GCNT1: variants seen among roughly 807,000 people sequenced by gnomAD.
GCNT1 encodes glucosaminyl (N-acetyl) transferase 1.
Under a neutral mutation model 26.2 loss-of-function variants are expected in GCNT1, and 16 were observed. The ratio of observed to expected loss-of-function variants is 0.61; its 90% CI spans 0.41 to 0.93. The LOEUF (loss-of-function observed/expected upper bound fraction) is 0.93, where lower values mean the gene tolerates loss of function less well. GCNT1 is among the 40% of genes least tolerant of loss of function. The probability of loss-of-function intolerance (pLI) is 0.00; values close to 1 mark genes in which losing one functional copy is unlikely to be tolerated. For missense variants in GCNT1, 477 were observed against 526.7 expected (o/e 0.91, Z 0.92); for synonymous variants, 183 against 190.8 (o/e 0.96, Z 0.34).
chr9:76,443,408 C>G (rs995460790), intron 1 of GCNT1, among the ~76,000 whole-genome samples: 24 of 152,160 alleles, frequency 1.6e-4, no homozygotes, highest in African/African-American at 5.6e-4. Context: ...AAAAGTATCC[C>G]TTATGGGAAA....
intron 1 of GCNT1, among the ~76,000 whole-genome samples, chr9:76,444,963 G>A (rs941559691): frequency 3.3e-5 from 5 of 152,200 alleles, no homozygotes; most frequent in Admixed American, 1.3e-4. Context: ...TCACACTAGA[G>A]GGACACAGGT....
rs1025739729 is a variant in GCNT1 at position 76,489,834 on chromosome 9, G to T, written c.-289-11082G>T. ...CCTGCTGGATAAGAGCTAAGAAGAG[G>T]CCCTGCAGTTGTAGTGTCCTCCAGA... On this transcript the variant is annotated intron_variant, in intron 2 of 3. Coordinates refer to ENST00000376730, the MANE Select transcript of GCNT1 (RefSeq NM_001490.5). Among the ~76,000 whole-genome samples the T allele has an allele frequency of 7.9e-5, 12 of 152,046 alleles. 1 individual carries two copies. The highest frequency in any genetic ancestry group is 1.3e-4 in the Admixed American group (2 of 15,262).
chr9:76,409,747 A>G, the GCNT1 span, among the ~76,000 whole-genome samples: 1 of 151,930 alleles, frequency 6.6e-6, no homozygotes, highest in Non-Finnish European at 1.5e-5. Context: ...CATCTGGCTG[A>G]TTTTTATTGA....
intron 2 of GCNT1, among the ~76,000 whole-genome samples, chr9:76,463,784 A>G (rs1379854521): frequency 2.0e-5 from 3 of 152,154 alleles, no homozygotes; most frequent in Non-Finnish European, 1.5e-5. Flanking sequence ...GGCTATCACA[A>G]TCTTAAGTGG....
intron 1 of GCNT1, among the ~76,000 whole-genome samples, chr9:76,421,417 T>C (rs1000715623): frequency 6.6e-6 from 1 of 151,640 alleles, no homozygotes; most frequent in Admixed American, 6.6e-5. Context: ...CTGGCCAACA[T>C]TGTAAAACCC....
intron 2 of GCNT1, among the ~76,000 whole-genome samples, chr9:76,461,442 G>A (rs1040611944): frequency 1.3e-5 from 2 of 151,450 alleles, no homozygotes. Context: ...AATTAGCTGG[G>A]CGTGGTGGCT....
chr9:76,475,542 ATTTTTT>A (rs778699097), intron 2 of GCNT1, among the ~76,000 whole-genome samples: 23 of 152,078 alleles, frequency 1.5e-4, no homozygotes, highest in Non-Finnish European at 2.5e-4. Flanking sequence ...TTTTATTTTT[ATTTTTT>A]GAGTTCATGC....
chr9:76,457,137 G>A (rs1485007432), upstream of GCNT1, among the ~76,000 whole-genome samples: 1 of 152,202 alleles, frequency 6.6e-6, no homozygotes, highest in Non-Finnish European at 1.5e-5. Flanking sequence ...ATGCTGCCCA[G>A]GCTGATCTCA....
At chr9:76,443,939 AAGGAAGGAAGGAAGGAAGGAAGG>A (rs1823526925) in intron 1 of GCNT1, among the ~76,000 whole-genome samples, 1 of 62,740 alleles carries the variant, frequency 1.6e-5, no homozygotes, top group African/African-American at 5.8e-5. Flanking sequence ...GAAAGGAAGG[AAGGAAGGAAGGAAGGAAGGAAGG>A]AAGGAAGGAA....
the GCNT1 span, among the ~76,000 whole-genome samples, chr9:76,404,783 C>G: frequency 3.3e-5 from 5 of 152,078 alleles, no homozygotes; most frequent in African/African-American, 1.2e-4. Context: ...CCCAAGCAAC[C>G]CAGAAAATAA....
chr9:76,402,084 A>G, the GCNT1 span, among the ~76,000 whole-genome samples: 1 of 152,046 alleles, frequency 6.6e-6, no homozygotes. Context: ...AGTTGTCTTC[A>G]GTGGTTAACT....
At chr9:76,410,879 AC>A in the GCNT1 span, among the ~76,000 whole-genome samples, 1 of 152,220 alleles carries the variant, frequency 6.6e-6, no homozygotes, top group African/African-American at 2.4e-5. Flanking sequence ...GTTGTTAGGC[AC>A]ATATACACTA....
At chr9:76,481,590 G>T (rs1419248411) in intron 2 of GCNT1, among the ~76,000 whole-genome samples, 1 of 151,876 alleles carries the variant, frequency 6.6e-6, no homozygotes, top group Non-Finnish European at 1.5e-5. Context: ...ATCTTTATAG[G>T]TCTTAATTTT....
intron 1 of GCNT1, among the ~76,000 whole-genome samples, chr9:76,435,608 T>C (rs930903537): frequency 3.9e-5 from 6 of 152,254 alleles, no homozygotes; most frequent in Non-Finnish European, 7.3e-5. Flanking sequence ...TCCTCTTGTG[T>C]GTACCCACAA....
At chr9:76,484,503 G>A (rs1234256142) in intron 2 of GCNT1, among the ~76,000 whole-genome samples, 3 of 152,014 alleles carry the variant, frequency 2.0e-5, no homozygotes, top group African/African-American at 7.2e-5. Flanking sequence ...GAATAACAGT[G>A]TTTTTGTATT....
chr9:76,464,148 G>T (rs1365069528), intron 2 of GCNT1, among the ~76,000 whole-genome samples: 1 of 151,568 alleles, frequency 6.6e-6, no homozygotes, highest in African/African-American at 2.4e-5. Flanking sequence ...TTGAGATCAA[G>T]AGTAAAATAT....
At chr9:76,394,212 G>T in the GCNT1 span, 2 of 1,547,892 alleles carry the variant, frequency 1.3e-6, no homozygotes, top group Non-Finnish European at 1.7e-6. Flanking sequence ...CCCGGTCTGC[G>T]CGTCCTGCGG....
chr9:76,439,044 C>G (rs1823445115), upstream of GCNT1, among the ~76,000 whole-genome samples: 1 of 152,052 alleles, frequency 6.6e-6, no homozygotes, highest in Non-Finnish European at 1.5e-5. Context: ...AAAGAACAGA[C>G]CATGATAAAA....
In GCNT1 at chr9:76,492,886, T is replaced by C. The variant is rs369218016; in HGVS notation, c.-289-8030T>C. Among the ~76,000 whole-genome samples, 18 of 152,182 alleles carry C rather than the reference T, an allele frequency of 1.2e-4. No homozygotes were observed. The Middle Eastern group carries it at 0.01, about 86-fold the overall frequency. ...TTAGGCCTGTTCCTCTTGGTCCCTA[T>C]TATAGAATACCGAGGTTGCGAGGTT... On this transcript the variant is annotated intron_variant, in intron 2 of 3. Coordinates refer to ENST00000376730, the MANE Select transcript of GCNT1 (RefSeq NM_001490.5).
Sources: gnomAD v4.1 joint callset for allele counts (sites outside exome capture counted in the v4.1 genomes callset) on GRCh38, gnomAD v4.1.1 for gene constraint, MANE v1.5 for transcripts, NCBI Gene and HGNC (gene_info 2026-07-23, HGNC 2026-07-21) for gene names.